The following NLGN1 variants were observed in gnomAD, a reference collection of about 807,000 sequenced individuals.
The protein encoded by NLGN1 is neuroligin 1, also known as neuroligin-1.
Under a neutral mutation model 65.5 loss-of-function variants are expected in NLGN1, and 12 were observed. The observed-to-expected ratio is 0.18, with a 90% CI of 0.12 to 0.30. The LOEUF is 0.30. NLGN1 is among the 10% of genes least tolerant of loss of function. The pLI is 1.00. For missense variants in NLGN1, 750 were observed against 1,007.1 expected, an observed-to-expected ratio of 0.74 and a Z score of 3.46; for synonymous variants, 350 against 359.5, an observed-to-expected ratio of 0.97 and a Z score of 0.30.
intron 4 of NLGN1, among the ~76,000 whole-genome samples, chr3:174,186,100 A>G (rs1334153458): frequency 6.6e-6 from 1 of 152,104 alleles, no homozygotes; most frequent in African/African-American, 2.4e-5. Flanking sequence ...TGATGTTCAG[A>G]AAGAAAAGAT....
intron 3 of NLGN1, among the ~76,000 whole-genome samples, chr3:173,606,645 T>C (rs1403447453): frequency 2.0e-5 from 3 of 152,024 alleles, no homozygotes; most frequent in Non-Finnish European, 4.4e-5. Context: ...GGAAGACACT[T>C]TATAAATAAC....
intron 4 of NLGN1, among the ~76,000 whole-genome samples, chr3:173,885,593 G>GTATC (rs1578989142): frequency 6.6e-6 from 1 of 151,954 alleles, no homozygotes; most frequent in African/African-American, 2.4e-5. Flanking sequence ...TAGGAATTAT[G>GTATC]TATCTATAAT....
chr3:173,677,778 A>G (rs1246681030), intron 3 of NLGN1, among the ~76,000 whole-genome samples: 3 of 152,122 alleles, frequency 2.0e-5, no homozygotes, highest in Non-Finnish European at 4.4e-5. Context: ...CATAATTTCC[A>G]TAACAATCCT....
At chr3:173,722,248 T>C (rs1461512604) in intron 3 of NLGN1, among the ~76,000 whole-genome samples, 9 of 145,690 alleles carry the variant, frequency 6.2e-5, no homozygotes, top group African/African-American at 2.3e-4. Context: ...CTTCTTTTTT[T>C]TTTTTTTTTT....
chr3:174,250,880 A>G (rs983175735), intron 4 of NLGN1, among the ~76,000 whole-genome samples: 1 of 152,108 alleles, frequency 6.6e-6, no homozygotes, highest in African/African-American at 2.4e-5. Flanking sequence ...CTGACATGCT[A>G]TTTTTAATAA....
intron 4 of NLGN1, among the ~76,000 whole-genome samples, chr3:174,189,282 T>C (rs1192511075): frequency 6.6e-6 from 1 of 151,988 alleles, no homozygotes; most frequent in Non-Finnish European, 1.5e-5. Flanking sequence ...TGCCCTCAGA[T>C]GAGAGAAATA....
At chr3:174,286,778 A>G (rs1156408465), downstream of NLGN1, 1 of 151,590 alleles carries the variant, frequency 6.6e-6, no homozygotes, top group Non-Finnish European at 1.5e-5. Flanking sequence ...GACTTGATAG[A>G]AACAATGACA....
At chr3:173,748,687 T>C (rs1037744803) in intron 3 of NLGN1, among the ~76,000 whole-genome samples, 2 of 152,120 alleles carry the variant, frequency 1.3e-5, no homozygotes, top group Admixed American at 1.3e-4. Flanking sequence ...AAACTGCTTG[T>C]CTTTGGTCTT....
intron 3 of NLGN1, among the ~76,000 whole-genome samples, chr3:173,718,396 A>G (rs1770239580): frequency 6.6e-6 from 1 of 151,894 alleles, no homozygotes; most frequent in South Asian, 2.1e-4. Context: ...AACATACAAC[A>G]TTTTTCTTTT....
intron 4 of NLGN1, among the ~76,000 whole-genome samples, chr3:174,115,800 CA>C (rs1388753879): frequency 1.3e-5 from 2 of 152,138 alleles, no homozygotes; most frequent in African/African-American, 2.4e-5. Flanking sequence ...TGGGTAGCCT[CA>C]AAAAATGTCA....
intron 4 of NLGN1, among the ~76,000 whole-genome samples, chr3:173,933,255 A>C (rs997698234): frequency 1.3e-5 from 2 of 152,132 alleles, no homozygotes; most frequent in African/African-American, 4.8e-5. Context: ...GGCAGGAGAG[A>C]GGAGGTAGAA....
chr3:173,926,788 G>A (rs1240481856), intron 4 of NLGN1, among the ~76,000 whole-genome samples: 1 of 152,150 alleles, frequency 6.6e-6, no homozygotes, highest in Non-Finnish European at 1.5e-5. Flanking sequence ...AAAGTGCAGG[G>A]AAGTATTTTC....
At chr3:174,222,076 AC>A (rs555747321) in intron 4 of NLGN1, among the ~76,000 whole-genome samples, 35 of 152,122 alleles carry the variant, frequency 2.3e-4, no homozygotes, top group Non-Finnish European at 4.6e-4. Flanking sequence ...AATCTATTCA[AC>A]CAGCTTCAGT....
At chr3:173,444,419 A>G (rs1036255338) in intron 2 of NLGN1, among the ~76,000 whole-genome samples, 2 of 152,178 alleles carry the variant, frequency 1.3e-5, no homozygotes. Flanking sequence ...GATTTCATGC[A>G]GGTCTGGTAT....
At chr3:173,598,992 C>T (rs568964686) in intron 2 of NLGN1, among the ~76,000 whole-genome samples, 1 of 152,240 alleles carries the variant, frequency 6.6e-6, no homozygotes, top group East Asian at 1.9e-4. Flanking sequence ...AGCACAGTAT[C>T]TACTGAACAT....
At chr3:173,688,644 G>A (rs1455483317) in intron 3 of NLGN1, among the ~76,000 whole-genome samples, 2 of 152,158 alleles carry the variant, frequency 1.3e-5, no homozygotes, top group Non-Finnish European at 2.9e-5. Flanking sequence ...CCACAGGCAA[G>A]TCACGTGGTC....
chr3:173,497,137 A>G (rs890718477), intron 2 of NLGN1, among the ~76,000 whole-genome samples: 1 of 151,904 alleles, frequency 6.6e-6, no homozygotes, highest in Non-Finnish European at 1.5e-5. Flanking sequence ...CAATCCCAGC[A>G]CTTTGGGAGG....
At chr3:173,605,498 G>T in intron 3 of NLGN1, 36 bp from the exon 3 acceptor site, 1 of 1,151,060 alleles carries the variant, frequency 8.7e-7, no homozygotes, top group South Asian at 1.3e-5. Flanking sequence ...ATGATGGAGC[G>T]CCATGTTATT....
At chr3:173,422,439 C>A (rs940396646) in intron 1 of NLGN1, among the ~76,000 whole-genome samples, 1 of 152,146 alleles carries the variant, frequency 6.6e-6, no homozygotes, top group African/African-American at 2.4e-5. Flanking sequence ...CTACAATAAA[C>A]ATAGAAATAT....
Sources: allele counts gnomAD v4.1 joint callset (sites outside exome capture counted in the v4.1 genomes callset), GRCh38; gene constraint gnomAD v4.1.1; transcripts MANE v1.5; gene names NCBI Gene and HGNC (gene_info 2026-07-23, HGNC 2026-07-21).